Variants in EYS observed in about 807,000 individuals in gnomAD.
EYS encodes the protein protein eyes shut homolog.
Under a neutral mutation model 282.1 loss-of-function variants are expected in EYS, and 250 were observed. The observed-to-expected ratio is 0.89, with a 90% CI of 0.80 to 0.98. The LOEUF (loss-of-function observed/expected upper bound fraction) is 0.98. Ranked by LOEUF, EYS falls within the 50% of genes least tolerant of loss-of-function variation. The pLI is 0.00. For synonymous variants in EYS, 1,355 were observed against 1,282.9 expected (o/e 1.06, Z -1.20); for missense variants, 4,016 against 3,709.0 (o/e 1.08, Z -2.15).
At chr6:63,739,973 C>T (rs1284239609) in intron 41 of EYS, among the ~76,000 whole-genome samples, 1 of 151,686 alleles carries the variant, frequency 6.6e-6, no homozygotes, top group Non-Finnish European at 1.5e-5. Flanking sequence ...GCTGGGATTA[C>T]AGGTGTGAGC....
At chr6:64,980,660 T>C (rs2150116331) in intron 14 of EYS, among the ~76,000 whole-genome samples, 1 of 151,486 alleles carries the variant, frequency 6.6e-6, no homozygotes, top group African/African-American at 2.4e-5. Flanking sequence ...CTTTGTTATG[T>C]TTTATGGTGA....
intron 30 of EYS, among the ~76,000 whole-genome samples, chr6:64,245,875 C>T (rs892290896): frequency 3.3e-5 from 5 of 151,508 alleles, no homozygotes; most frequent in African/African-American, 7.3e-5. Context: ...AAAAATTAGC[C>T]GGGCATGGTG....
In EYS at chr6:65,164,955, AACTT is replaced by A. The variant is rs111981743; in HGVS notation, c.2024-107232_2024-107229del. On this transcript the variant is annotated intron_variant, in intron 12 of 42. Transcript: ENST00000503581. ...GGGGCCACCATAATGATCTCATTTT[AACTT>A]AATTAGTGCTATGAAGATTGTGCTT... is the stretch of plus-strand genomic sequence containing the variant. Among the ~76,000 whole-genome samples, 420 of 151,378 alleles carry A rather than the reference AACTT, an allele frequency of 2.8e-3. 6 individuals are homozygous for A. Among genetic ancestry groups the A allele is most frequent in the Middle Eastern group, 0.01 (3 of 292 alleles).
chr6:64,339,973 C>T (rs1380756441), intron 29 of EYS, among the ~76,000 whole-genome samples: 2 of 151,358 alleles, frequency 1.3e-5, no homozygotes, highest in Non-Finnish European at 3.0e-5. Flanking sequence ...TGTAGGTCCA[C>T]CAAAATCTCA....
At chr6:64,057,975 G>A (rs192755238) in intron 33 of EYS, among the ~76,000 whole-genome samples, 1 of 152,086 alleles carries the variant, frequency 6.6e-6, no homozygotes, top group East Asian at 1.9e-4. Flanking sequence ...GAGATTATAG[G>A]CATACACCAT....
chr6:64,664,470 C>T (rs1327427328), intron 22 of EYS, among the ~76,000 whole-genome samples: 1 of 152,138 alleles, frequency 6.6e-6, no homozygotes, highest in Non-Finnish European at 1.5e-5. Flanking sequence ...AGTCCTGTCT[C>T]TCAATATGAT....
intron 29 of EYS, among the ~76,000 whole-genome samples, chr6:64,387,821 T>C (rs1217079542): frequency 2.6e-5 from 4 of 152,134 alleles, no homozygotes; most frequent in Admixed American, 6.5e-5. Flanking sequence ...TAAAGGCATA[T>C]GTATCACATC....
chr6:64,071,521 A>T (rs978515678), intron 32 of EYS, among the ~76,000 whole-genome samples: 2 of 151,154 alleles, frequency 1.3e-5, no homozygotes, highest in African/African-American at 4.9e-5. Flanking sequence ...ACATAAATTA[A>T]TAAGTAAATA....
chr6:64,907,668 T>C (rs1266663128), intron 16 of EYS, among the ~76,000 whole-genome samples: 1 of 152,102 alleles, frequency 6.6e-6, no homozygotes, highest in African/African-American at 2.4e-5. Flanking sequence ...ACTGTACTGA[T>C]TGAAAACATC....
At chr6:65,363,396 A>G (rs1764788710) in intron 8 of EYS, among the ~76,000 whole-genome samples, 1 of 151,996 alleles carries the variant, frequency 6.6e-6, no homozygotes, top group South Asian at 2.1e-4. Context: ...ATATAGCTTT[A>G]GGTTCAAGAT....
chr6:64,634,225 G>A (rs183550153), intron 22 of EYS, among the ~76,000 whole-genome samples: 5 of 152,176 alleles, frequency 3.3e-5, no homozygotes, highest in Admixed American at 2.0e-4. Context: ...CTCGTGATCC[G>A]CCTGCCTTGG....
intron 31 of EYS, among the ~76,000 whole-genome samples, chr6:64,199,390 C>G (rs963659005): frequency 2.0e-5 from 3 of 151,856 alleles, no homozygotes; most frequent in African/African-American, 7.3e-5. Context: ...ATGCAGAAAA[C>G]TGAAACTGGA....
At chr6:64,877,465 T>C (rs543766633) in intron 19 of EYS, among the ~76,000 whole-genome samples, 3 of 152,134 alleles carry the variant, frequency 2.0e-5, no homozygotes, top group Non-Finnish European at 4.4e-5. Flanking sequence ...TATCTAAAAA[T>C]AGAAATAATG....
chr6:64,576,477 G>A (rs1182864754), intron 26 of EYS, among the ~76,000 whole-genome samples: 1 of 151,960 alleles, frequency 6.6e-6, no homozygotes, highest in East Asian at 1.9e-4. Context: ...CATCTGTCCA[G>A]GGCCAGAGGG....
At chr6:64,028,552 AC>A (rs1452475165) in intron 33 of EYS, among the ~76,000 whole-genome samples, 1 of 152,134 alleles carries the variant, frequency 6.6e-6, no homozygotes, top group African/African-American at 2.4e-5. Flanking sequence ...ATAGTTCTGG[AC>A]CTCAAGGATG....
At chr6:64,699,439 A>G (rs1043256454) in intron 22 of EYS, among the ~76,000 whole-genome samples, 4 of 152,122 alleles carry the variant, frequency 2.6e-5, no homozygotes, top group African/African-American at 7.2e-5. Context: ...AAGTTTATCT[A>G]TGTAACAAAC....
chr6:64,630,206 C>T (rs780134739), intron 22 of EYS, among the ~76,000 whole-genome samples: 2 of 152,128 alleles, frequency 1.3e-5, no homozygotes, highest in African/African-American at 2.4e-5. Flanking sequence ...AGTGATTCCC[C>T]TCCCTCAGCT....
At chr6:65,339,318 T>C (rs1303371363) in intron 10 of EYS, among the ~76,000 whole-genome samples, 1 of 151,162 alleles carries the variant, frequency 6.6e-6, no homozygotes, top group Non-Finnish European at 1.5e-5. Flanking sequence ...CTTGAACTAA[T>C]AAAAAATGAC....
intron 12 of EYS, among the ~76,000 whole-genome samples, chr6:65,215,193 C>A (rs1182984018): frequency 6.6e-6 from 1 of 151,978 alleles, no homozygotes; most frequent in Admixed American, 6.6e-5. Context: ...ACTTATGGAT[C>A]TTGGCATATT....
Sources: allele counts gnomAD v4.1 joint callset (sites outside exome capture counted in the v4.1 genomes callset), GRCh38; gene constraint gnomAD v4.1.1; transcripts MANE v1.5; gene names NCBI Gene and HGNC (gene_info 2026-07-23, HGNC 2026-07-21).